Variants in CFAP44 observed in about 807,000 individuals in gnomAD.
CFAP44 encodes the protein cilia- and flagella-associated protein 44.
Under a neutral mutation model 216.2 loss-of-function variants are expected in CFAP44, and 134 were observed. The observed-to-expected ratio is 0.62, with a 90% confidence interval of 0.54 to 0.72. The LOEUF (loss-of-function observed/expected upper bound fraction) is 0.72, where lower values mean the gene tolerates loss of function less well. Ranked by LOEUF, CFAP44 falls within the 30% of genes least tolerant of loss-of-function variation. The pLI is 0.00. For synonymous variants in CFAP44, 700 were observed against 727.6 expected (o/e 0.96, Z 0.61); for missense variants, 2,035 against 2,182.1 (o/e 0.93, Z 1.34).
At chr3:113,426,571 C>T in intron 3 of CFAP44, 1 of 277,904 alleles carries the variant, frequency 3.6e-6, no homozygotes, top group East Asian at 7.2e-5. Flanking sequence ...TGTAAGTTTC[C>T]TGAGGCCTCC....
intron 8 of CFAP44, among the ~76,000 whole-genome samples, chr3:113,405,727 C>T (rs1934257965): frequency 6.6e-6 from 1 of 152,118 alleles, no homozygotes; most frequent in Non-Finnish European, 1.5e-5. Context: ...TTATTTCTTC[C>T]CTATATCTAT....
intron 6 of CFAP44, among the ~76,000 whole-genome samples, chr3:113,412,170 A>G (rs1356994371): frequency 2.6e-5 from 4 of 152,318 alleles, no homozygotes; most frequent in African/African-American, 9.6e-5. Flanking sequence ...CCGGGCAATC[A>G]GGCAAGAGAA....
Position 113,409,138 on chromosome 3 carries a change from C to T in CFAP44, c.858G>A (p.Glu286=), listed in dbSNP as rs1267822392. Residue 286 remains glutamate, a synonymous_variant, in exon 7 of 35, where the codon GAG becomes GAA. Coordinates refer to ENST00000393845, the MANE Select transcript of CFAP44 (RefSeq NM_001164496.2). ...FKVTFNPDKE[E]QLTTSGSGHI... ...GGCCTGATCCCGATGTAGTAAGCTG[C>T]TCTTCCTTATCAGGATTGAAAGTAA... 3.7e-6 allele frequency: 6 copies of T among 1,613,842 alleles called. No homozygotes were observed. The highest frequency in any genetic ancestry group is 1.7e-6 in the Non-Finnish European group (2 of 1,179,954).
At chr3:113,291,951 A>G (rs896274207) in intron 34 of CFAP44, among the ~76,000 whole-genome samples, 1 of 152,178 alleles carries the variant, frequency 6.6e-6, no homozygotes, top group Non-Finnish European at 1.5e-5. Flanking sequence ...CAACTCTTCA[A>G]GTGCAAATCC....
Position 113,291,489 on chromosome 3 carries a change from T to C in CFAP44, c.*68A>G, listed in dbSNP as rs1335078560. 2 of 1,477,062 alleles carry C rather than the reference T, an allele frequency of 1.4e-6. No individual in the cohort carries two copies. The highest frequency in any genetic ancestry group is 1.8e-6 in the Non-Finnish European group (2 of 1,104,280). 91.5% of individuals were successfully genotyped at this position (1,477,062 alleles called of 1,614,324 possible). A position where few individuals can be genotyped will look rare whatever the true frequency, so the allele number is the denominator to read the frequency against. On this transcript the variant is annotated 3_prime_UTR_variant, in exon 35 of 35. Transcript: ENST00000393845. ...TTTAAAGTAATAAGATTGTTGGAGG[T>C]GATGAGGAGACAGAACTTCCAGTGA... is the stretch of plus-strand genomic sequence containing the variant.
In CFAP44 at chr3:113,290,989, T is replaced by C. The variant is rs988174176; in HGVS notation, c.*568A>G. On this transcript the variant is annotated 3_prime_UTR_variant, in exon 35 of 35. Coordinates refer to ENST00000393845, the MANE Select transcript of CFAP44 (RefSeq NM_001164496.2). ...ACCCAAAGCAAACTGCTCTGCCATG[T>C]CTGTTTGTATTTCCTGAATCCTGAG... is the stretch of plus-strand genomic sequence containing the variant. 1.3e-5 allele frequency: 2 copies of C among 153,862 alleles called. No individual in the cohort carries two copies. The highest frequency in any genetic ancestry group is 6.4e-5 in the Admixed American group (1 of 15,726). 9.5% of individuals were successfully genotyped at this position (153,862 alleles called of 1,614,324 possible). A position where few individuals can be genotyped will look rare whatever the true frequency, so the allele number is the denominator to read the frequency against.
At chr3:113,415,980 T>C (rs906063527) in intron 6 of CFAP44, among the ~76,000 whole-genome samples, 1 of 152,186 alleles carries the variant, frequency 6.6e-6, no homozygotes, top group Non-Finnish European at 1.5e-5. Context: ...CCACTACTAT[T>C]GTGTGGGAGT....
chr3:113,379,187 T>A, intron 17 of CFAP44, 119 bp downstream of exon 17: 1 of 787,712 alleles, frequency 1.3e-6, no homozygotes, highest in Non-Finnish European at 1.8e-6. Context: ...AAATGAAATC[T>A]AAAAAAAAAT....
intron 28 of CFAP44, among the ~76,000 whole-genome samples, chr3:113,313,864 C>A (rs775232): frequency 6.6e-6 from 1 of 151,954 alleles, no homozygotes. Flanking sequence ...TCTTCCCAGT[C>A]TTGAGTATGT....
intron 2 of CFAP44, among the ~76,000 whole-genome samples, chr3:113,427,885 G>A (rs1401305716): frequency 6.6e-6 from 1 of 151,996 alleles, no homozygotes; most frequent in African/African-American, 2.4e-5. Flanking sequence ...CAAGCAGGAT[G>A]GGTATACTTT....
chr3:113,304,293 G>C (rs1052455884), intron 31 of CFAP44, 176 bp from the exon 32 acceptor site: 9 of 630,952 alleles, frequency 1.4e-5, no homozygotes, highest in African/African-American at 7.3e-5. Flanking sequence ...GATGCTGTCA[G>C]ACAGAAAGCC....
intron 6 of CFAP44, among the ~76,000 whole-genome samples, chr3:113,412,589 C>A (rs536205292): frequency 9.2e-4 from 140 of 152,170 alleles, no homozygotes; most frequent in African/African-American, 3.1e-3. Flanking sequence ...TGTTCTCAAT[C>A]TTCAACTCCC....
chr3:113,293,944 G>A (rs1393188882), intron 34 of CFAP44: 3 of 455,804 alleles, frequency 6.6e-6, no homozygotes, highest in Non-Finnish European at 1.3e-5. Context: ...TGGGGCCTTA[G>A]CACCTGCATT....
intron 2 of CFAP44, chr3:113,432,206 AT>A (rs1935123614): frequency 6.6e-6 from 1 of 152,166 alleles, no homozygotes; most frequent in Non-Finnish European, 1.5e-5. Flanking sequence ...ATAGGTTATT[AT>A]CAACTTGTGT....
At chr3:113,405,291 A>C (rs1478399412) in intron 8 of CFAP44, among the ~76,000 whole-genome samples, 1 of 152,190 alleles carries the variant, frequency 6.6e-6, no homozygotes, top group Non-Finnish European at 1.5e-5. Context: ...TCTTCTGTCC[A>C]GTGATGAAAG....
intron 8 of CFAP44, 174 bp from the exon 9 acceptor site, chr3:113,404,190 C>A: frequency 1.5e-6 from 1 of 676,774 alleles, no homozygotes; most frequent in Non-Finnish European, 2.3e-6. Context: ...GACACAACTA[C>A]CAATAACATT....
chr3:113,376,900 T>G (rs1933361556), intron 17 of CFAP44, among the ~76,000 whole-genome samples: 1 of 152,146 alleles, frequency 6.6e-6, no homozygotes, highest in East Asian at 1.9e-4. Context: ...GGAGACCAAG[T>G]GGTTTATCTC....
intron 22 of CFAP44, among the ~76,000 whole-genome samples, chr3:113,355,447 G>C (rs1269045165): frequency 2.0e-5 from 3 of 152,158 alleles, no homozygotes; most frequent in Non-Finnish European, 2.9e-5. Flanking sequence ...TTGAACCCAA[G>C]AGGCAGAGGT....
chr3:113,415,925 TTC>T (rs1420383578), intron 6 of CFAP44, among the ~76,000 whole-genome samples: 1 of 152,156 alleles, frequency 6.6e-6, no homozygotes, highest in Non-Finnish European at 1.5e-5. Flanking sequence ...CTTGTTAATT[TTC>T]TGTCTCATTG....
Sources: allele counts gnomAD v4.1 joint callset (sites outside exome capture counted in the v4.1 genomes callset), GRCh38; gene constraint gnomAD v4.1.1; transcripts MANE v1.5; gene names NCBI Gene and HGNC (gene_info 2026-07-23, HGNC 2026-07-21).